PRSS56: variants seen among roughly 807,000 people sequenced by gnomAD.
The protein encoded by PRSS56 is protease, serine 56.
Under a neutral mutation model 66.8 loss-of-function variants are expected in PRSS56, and 55 were observed. That is an observed-to-expected ratio of 0.82 (90% confidence interval 0.66 to 1.03). The LOEUF (loss-of-function observed/expected upper bound fraction) is 1.03. Among genes scored for constraint, PRSS56 ranks in the 50% least tolerant of loss-of-function variants. PRSS56 has a pLI of 0.00. For synonymous variants in PRSS56, 409 were observed against 387.9 expected, an observed-to-expected ratio of 1.05 and a Z score of -0.64; for missense variants, 869 against 837.2, an observed-to-expected ratio of 1.04 and a Z score of -0.47.
At chr2:232,525,039 T>A (rs1388420221) in intron 12 of PRSS56, among the ~76,000 whole-genome samples, 177 bp from the exon 13 acceptor site, 2 of 25,722 alleles carry the variant, frequency 7.8e-5, no homozygotes, top group East Asian at 7.1e-4. Flanking sequence ...CCACTGGGGG[T>A]GGTGGTGGGG....
intron 1 of PRSS56, 87 bp from the exon 2 acceptor site, chr2:232,521,234 C>A: frequency 9.1e-7 from 1 of 1,098,222 alleles, no homozygotes; most frequent in South Asian, 1.4e-5. Flanking sequence ...GTGGGTCTCC[C>A]GAGGCAGGGC....
chr2:232,524,920 G>T, intron 12 of PRSS56, 76 bp downstream of exon 12: 1 of 1,223,410 alleles, frequency 8.2e-7, no homozygotes, highest in Non-Finnish European at 1.2e-6. Context: ...GATGCAGAGG[G>T]CCCAGCCCAG....
intron 12 of PRSS56, 76 bp from the exon 13 acceptor site, chr2:232,525,140 G>A (rs1455045797): frequency 2.2e-6 from 3 of 1,371,154 alleles, no homozygotes; most frequent in Middle Eastern, 2.0e-4. Flanking sequence ...GGGCCCAGGG[G>A]GAGAGGGGGT....
At position 232,524,828 on chromosome 2, in the gene PRSS56, C is replaced by T; in HGVS notation, c.1505C>T (p.Ala502Val). 1.3e-6 allele frequency: 2 copies of T among 1,535,448 alleles called. No homozygotes were observed. The highest frequency in any genetic ancestry group is 1.7e-6 in the Non-Finnish European group (2 of 1,146,384). Residue 502 changes from alanine (A) to valine (V), a missense_variant, in exon 12 of 13, where the codon GCC becomes GTC. Ala to Val is a moderately conservative substitution (Grantham distance 64). Around this residue, in one of 3 missense-constraint regions of PRSS56, gnomAD observed 551 missense variants for 506.9 expected, o/e 1.09. Transcript: ENST00000617714. ...WILQVPSEHL[A>V]MNFHEVLADL... ...CTGCAGGTCCCCTCGGAGCACCTGG[C>T]CATGAACTTTCATGAGGTAGGTCCC...
At chr2:232,524,012 C>G (rs1171714828) in intron 9 of PRSS56, 27 bp from the exon 10 acceptor site, 2 of 1,525,204 alleles carry the variant, frequency 1.3e-6, no homozygotes, top group African/African-American at 1.4e-5. Context: ...CCTCTGACCG[C>G]CGCTCCGACT....
At position 232,523,944 on chromosome 2, in the gene PRSS56, C is replaced by T. The variant is rs1192258573; in HGVS notation, c.1185C>T (p.Cys395=). The change falls in exon 9 of 13, where the codon TGC becomes TGT. Residue 395 remains cysteine, a splice_region_variant and synonymous_variant. Transcript: ENST00000617714. Reference sequence around the variant, plus strand: ...AGTGCCTGCAGCGCCGGCGGCGATGCGGTCAGTTCTGTTCACCCGGACCCG... The same window carrying T: ...AGTGCCTGCAGCGCCGGCGGCGATGTGGTCAGTTCTGTTCACCCGGACCCG... ...HQQCLQRRRR[C]ELRSLAHTLL... 1.3e-6 allele frequency: 2 copies of T among 1,503,178 alleles called. No homozygotes were observed. Among genetic ancestry groups the T allele is most frequent in the South Asian group, 1.3e-5 (1 of 79,628 alleles). The allele number at this position is 1,503,178 out of a possible 1,614,324, so 93.1% of individuals were successfully genotyped here.
Position 232,525,712 on chromosome 2 carries a change from G to A in PRSS56, c.*206G>A, listed in dbSNP as rs1355879310. 12 of 532,998 alleles carry A rather than the reference G, an allele frequency of 2.3e-5. No individual in the cohort carries two copies. Among genetic ancestry groups the A allele is most frequent in the South Asian group, 1.6e-4 (5 of 31,976 alleles). The allele number at this position is 532,998 out of a possible 1,614,324, so 33.0% of individuals were successfully genotyped here. A position where few individuals can be genotyped will look rare whatever the true frequency, so the allele number is the denominator to read the frequency against. On this transcript the variant is annotated 3_prime_UTR_variant, in exon 13 of 13. Transcript: ENST00000617714. ...TTAATAAATGTTATTTATAATACAC[G>A]GAAACAACTCTGGAGCTTTCTTGGG...
chr2:232,523,544 A>G lies in PRSS56; in HGVS notation c.978A>G (p.Ala326=). ...AGCCCGGGGTCTACACCCGCGTGGCAGTGTTCAAGGACTGGCTCCAGGAGC... is the reference window on the plus strand; with the variant it reads ...AGCCCGGGGTCTACACCCGCGTGGCGGTGTTCAAGGACTGGCTCCAGGAGC... ...PGKPGVYTRV[A]VFKDWLQEQM... Residue 326 remains alanine (A), a synonymous_variant, in exon 8 of 13, where the codon GCA becomes GCG. Transcript: ENST00000617714. The G allele has an allele frequency of 6.5e-7, 1 of 1,532,160 alleles. No homozygotes were observed. 94.9% of individuals were successfully genotyped at this position (1,532,160 alleles called of 1,614,324 possible).
chr2:232,523,495 G>C lies in PRSS56; in HGVS notation c.929G>C (p.Gly310Ala). The C allele has an allele frequency of 6.5e-7, 1 of 1,531,316 alleles. No individual in the cohort carries two copies. Among genetic ancestry groups the C allele is most frequent in the Non-Finnish European group, 8.7e-7 (1 of 1,144,690 alleles). 94.9% of individuals were successfully genotyped at this position (1,531,316 alleles called of 1,614,324 possible). A position where few individuals can be genotyped will look rare whatever the true frequency, so the allele number is the denominator to read the frequency against. Residue 310 changes from glycine (G) to alanine (A), a missense_variant, in exon 8 of 13, where the codon GGG becomes GCG. By Grantham distance (60) the Gly-to-Ala change is moderately conservative. This residue lies in a region of PRSS56 where 551 missense variants were observed against 506.9 expected (regional missense o/e 1.09). Coordinates refer to ENST00000617714, the MANE Select transcript of PRSS56 (RefSeq NM_001195129.2). ...REVLFGVTSW[G>A]DGCGEPGKPG... ...GTCCTGTTCGGAGTCACCTCCTGGG[G>C]GGACGGCTGCGGGGAGCCAGGGAAG...
rs558993202 is a variant in PRSS56, at chr2:232,524,164, T to G, written c.1312T>G (p.Ser438Ala). The change falls in exon 10 of 13, where the codon TCT becomes GCT. Residue 438 changes from serine (S) to alanine (A), a missense_variant. By Grantham distance (99) the Ser-to-Ala change is moderately conservative (BLOSUM62 1). Transcript: ENST00000617714. ...LALPAPALRESPLHPARELRL... is the reference protein window; with the variant it reads ...LALPAPALREAPLHPARELRL... ...TCTCCCCGCTCCAGCGCTCAGGGAGTCTCCTCTGCACCCCGCCCGGGAGCT... is the reference window on the plus strand; with the variant it reads ...TCTCCCCGCTCCAGCGCTCAGGGAGGCTCCTCTGCACCCCGCCCGGGAGCT... 17 of 1,521,576 alleles carry G rather than the reference T, an allele frequency of 1.1e-5. No individual in the cohort carries two copies. In the Admixed American group the frequency reaches 3.2e-4, roughly 29 times the overall value. The allele number at this position is 1,521,576 out of a possible 1,614,324, so 94.3% of individuals were successfully genotyped here.
At chr2:232,521,039 G>A (rs191013388) in intron 1 of PRSS56, among the ~76,000 whole-genome samples, 4 of 152,366 alleles carry the variant, frequency 2.6e-5, no homozygotes, top group South Asian at 2.1e-4. Context: ...TGAGTTCTGC[G>A]ATGTCTGTAT....
chr2:232,522,657 C>G, intron 5 of PRSS56, 43 bp downstream of exon 5: 1 of 1,532,406 alleles, frequency 6.5e-7, no homozygotes, highest in Non-Finnish European at 8.7e-7. Flanking sequence ...GGCACCGCAC[C>G]CCCACCCGTG....
intron 2 of PRSS56, 151 bp from the exon 3 acceptor site, chr2:232,521,665 C>T: frequency 1.2e-6 from 1 of 827,420 alleles, no homozygotes; most frequent in South Asian, 1.7e-5. Context: ...CCTGTGGTGA[C>T]CAGGAGAAGT....
At position 232,523,945 on chromosome 2, in the gene PRSS56, G is replaced by A. The variant is rs1691340919; in HGVS notation, c.1186G>A (p.Glu396Lys). The change falls in exon 9 of 13, where the codon GAG becomes AAG. Residue 396 changes from glutamate to lysine, a missense_variant and splice_region_variant. Around this residue, in one of 3 missense-constraint regions of PRSS56, gnomAD observed 551 missense variants for 506.9 expected, o/e 1.09. Coordinates refer to ENST00000617714, the MANE Select transcript of PRSS56 (RefSeq NM_001195129.2). ...GTGCCTGCAGCGCCGGCGGCGATGC[G>A]GTCAGTTCTGTTCACCCGGACCCGG... ...QQCLQRRRRCELRSLAHTLLG... is the reference protein window; with the variant it reads ...QQCLQRRRRCKLRSLAHTLLG... 1 of 1,513,882 alleles carries A rather than the reference G, an allele frequency of 6.6e-7. No homozygotes were observed. Among genetic ancestry groups the A allele is most frequent in the South Asian group, 1.2e-5 (1 of 80,726 alleles). 93.8% of individuals were successfully genotyped at this position (1,513,882 alleles called of 1,614,324 possible). A position where few individuals can be genotyped will look rare whatever the true frequency, so the allele number is the denominator to read the frequency against.
At chr2:232,521,259 A>G (rs1691269578) in intron 1 of PRSS56, 62 bp from the exon 2 acceptor site, 4 of 1,331,444 alleles carry the variant, frequency 3.0e-6, no homozygotes, top group Admixed American at 2.0e-5. Context: ...GGCTGGGGCC[A>G]GGAGGATGAG....
chr2:232,525,005 G>C (rs1250500130), intron 12 of PRSS56, among the ~76,000 whole-genome samples, 161 bp downstream of exon 12: 1 of 151,950 alleles, frequency 6.6e-6, no homozygotes, highest in Non-Finnish European at 1.5e-5. Context: ...GGAAGGGAGT[G>C]GGGCCTGCGG....
At position 232,524,108 on chromosome 2, in the gene PRSS56, C is replaced by T; in HGVS notation, c.1256C>T (p.Pro419Leu). ...GCGCAGGAGCTGCTCGGGCCTCGTC[C>T]GGGACTGCGGCGCCTGGCCCCCGCC... ...RNAQELLGPRPGLRRLAPALA... is the reference protein window; with the variant it reads ...RNAQELLGPRLGLRRLAPALA... The change falls in exon 10 of 13, where the codon CCG becomes CTG. Residue 419 changes from proline (P) to leucine (L), a missense_variant. Coordinates refer to ENST00000617714, the MANE Select transcript of PRSS56 (RefSeq NM_001195129.2). 1.3e-6 allele frequency: 2 copies of T among 1,515,218 alleles called. No homozygotes were observed. The highest frequency in any genetic ancestry group is 8.8e-7 in the Non-Finnish European group (1 of 1,138,668). 93.9% of individuals were successfully genotyped at this position (1,515,218 alleles called of 1,614,324 possible).
chr2:232,523,948 C>A lies in PRSS56; in HGVS notation c.1186+3C>A. The A allele has an allele frequency of 6.6e-7, 1 of 1,512,220 alleles. No individual in the cohort carries two copies. The highest frequency in any genetic ancestry group is 1.2e-5 in the South Asian group (1 of 80,468). 93.7% of individuals were successfully genotyped at this position (1,512,220 alleles called of 1,614,324 possible). A position where few individuals can be genotyped will look rare whatever the true frequency, so the allele number is the denominator to read the frequency against. On this transcript the variant is annotated splice_donor_region_variant and intron_variant, in intron 9 of 12. Coordinates refer to ENST00000617714, the MANE Select transcript of PRSS56 (RefSeq NM_001195129.2). ...CCTGCAGCGCCGGCGGCGATGCGGTCAGTTCTGTTCACCCGGACCCGGACG... is the reference window on the plus strand; with the variant it reads ...CCTGCAGCGCCGGCGGCGATGCGGTAAGTTCTGTTCACCCGGACCCGGACG...
At chr2:232,524,715 C>T in intron 11 of PRSS56, 23 bp from the exon 12 acceptor site, 12 of 1,485,846 alleles carry the variant, frequency 8.1e-6, no homozygotes, top group Non-Finnish European at 9.0e-6. Context: ...TCATTATTCC[C>T]GGGGCCTCTC....
Sources: allele counts gnomAD v4.1 joint callset (sites outside exome capture counted in the v4.1 genomes callset), GRCh38; gene constraint gnomAD v4.1.1; regional missense constraint gnomAD v4.1.1; transcripts MANE v1.5; gene names NCBI Gene and HGNC (gene_info 2026-07-23, HGNC 2026-07-21).